The following CDK14 variants were observed in gnomAD, a reference collection of about 807,000 sequenced individuals.
The protein encoded by CDK14 is cyclin-dependent kinase 14.
Under a neutral mutation model 60.7 loss-of-function variants are expected in CDK14, and 34 were observed. That is an observed-to-expected ratio of 0.56 (90% CI 0.43 to 0.75). CDK14 has a LOEUF of 0.75. CDK14 is among the 30% of genes least tolerant of loss of function. The probability of loss-of-function intolerance (pLI) is 0.00; values close to 1 mark genes in which losing one functional copy is unlikely to be tolerated. For missense variants in CDK14, 482 were observed against 564.1 expected, an observed-to-expected ratio of 0.85 and a Z score of 1.47; for synonymous variants, 197 against 203.7, an observed-to-expected ratio of 0.97 and a Z score of 0.28.
At chr7:90,822,689 T>C (rs1789590442) in intron 5 of CDK14, among the ~76,000 whole-genome samples, 1 of 152,144 alleles carries the variant, frequency 6.6e-6, no homozygotes, top group African/African-American at 2.4e-5. Flanking sequence ...ATGAACTACA[T>C]TTACATACAA....
At chr7:90,675,081 C>G (rs929024249) in intron 2 of CDK14, among the ~76,000 whole-genome samples, 1 of 152,188 alleles carries the variant, frequency 6.6e-6, no homozygotes, top group Admixed American at 6.5e-5. Context: ...GCTCAACAAC[C>G]TGGATCTCAT....
chr7:91,193,623 G>A (rs1203577430), intron 14 of CDK14, among the ~76,000 whole-genome samples: 6 of 152,236 alleles, frequency 3.9e-5, no homozygotes, highest in Non-Finnish European at 7.4e-5. Context: ...TATTTATCAA[G>A]TCAATTTGGA....
intron 6 of CDK14, among the ~76,000 whole-genome samples, chr7:90,891,296 GAT>G (rs1792117686): frequency 6.6e-6 from 1 of 152,108 alleles, no homozygotes; most frequent in Non-Finnish European, 1.5e-5. Context: ...AACAAGCAGA[GAT>G]CAATCAGGGA....
At chr7:90,981,809 A>AAACAAAACAAAAC (rs1795234870) in intron 9 of CDK14, among the ~76,000 whole-genome samples, 1 of 151,834 alleles carries the variant, frequency 6.6e-6, no homozygotes, top group Admixed American at 6.6e-5. Context: ...TCTAGAAACA[A>AAACAAAACAAAAC]AACAAAACAA....
chr7:91,174,147 C>A (rs1562981465), intron 14 of CDK14, among the ~76,000 whole-genome samples: 2 of 152,024 alleles, frequency 1.3e-5, no homozygotes, highest in Non-Finnish European at 2.9e-5. Context: ...GGGTCCCTGA[C>A]CCCTGACCCC....
intron 2 of CDK14, among the ~76,000 whole-genome samples, chr7:90,677,234 G>A (rs994108995): frequency 6.6e-6 from 1 of 152,124 alleles, no homozygotes; most frequent in African/African-American, 2.4e-5. Flanking sequence ...TCGTAGTCTT[G>A]TTTAAGCAAT....
chr7:91,064,333 A>T (rs2116142551), intron 11 of CDK14, among the ~76,000 whole-genome samples: 1 of 109,220 alleles, frequency 9.2e-6, no homozygotes, highest in South Asian at 2.8e-4. Flanking sequence ...AGTGACTAGG[A>T]GCACAGACTC....
At chr7:91,097,288 G>A (rs1418518097) in intron 12 of CDK14, among the ~76,000 whole-genome samples, 22 of 151,918 alleles carry the variant, frequency 1.4e-4, no homozygotes, top group Admixed American at 1.4e-3. Flanking sequence ...GGCTGAGGCA[G>A]GACAGTTGCT....
intron 6 of CDK14, among the ~76,000 whole-genome samples, chr7:90,878,091 T>A (rs1335987951): frequency 6.6e-5 from 10 of 151,158 alleles, no homozygotes; most frequent in Admixed American, 4.0e-4. Context: ...TGTGTGTGTG[T>A]GTGAGAGAGA....
chr7:90,787,947 C>T (rs193219682), intron 4 of CDK14, among the ~76,000 whole-genome samples: 1 of 152,162 alleles, frequency 6.6e-6, no homozygotes, highest in Non-Finnish European at 1.5e-5. Context: ...TCTTTAGTTG[C>T]ACTTAAAAAA....
In CDK14 at chr7:90,762,601, A is replaced by G. The variant is rs549871189; in HGVS notation, c.464+14826A>G. 6.6e-5 allele frequency among the ~76,000 whole-genome samples: 10 copies of G among 152,360 alleles called. No homozygotes were observed. In the South Asian group the frequency reaches 2.1e-3, roughly 32 times the overall value. ...GTGGATAAAAAAACAAGACCCAACT[A>G]TATTTTATCTATGAACTATCCTTTA... On this transcript the variant is annotated intron_variant, in intron 4 of 14. Coordinates refer to ENST00000380050, the MANE Select transcript of CDK14 (RefSeq NM_001287135.2).
At chr7:90,904,201 A>G (rs1037001701) in intron 7 of CDK14, among the ~76,000 whole-genome samples, 10 of 152,180 alleles carry the variant, frequency 6.6e-5, no homozygotes, top group African/African-American at 1.7e-4. Context: ...TCGTGCCTCA[A>G]GGAAAAGATT....
At chr7:91,084,426 G>A (rs1798572174) in intron 12 of CDK14, among the ~76,000 whole-genome samples, 1 of 152,178 alleles carries the variant, frequency 6.6e-6, no homozygotes, top group Non-Finnish European at 1.5e-5. Flanking sequence ...CCACTGCTGG[G>A]TAATGCACCA....
chr7:90,982,315 G>A (rs746974182), intron 9 of CDK14, among the ~76,000 whole-genome samples: 42 of 152,148 alleles, frequency 2.8e-4, no homozygotes, highest in African/African-American at 2.2e-4. Flanking sequence ...GTAAATAGGC[G>A]AAGAAGGAGG....
intron 2 of CDK14, chr7:90,710,290 A>C: frequency 1.0e-6 from 1 of 985,254 alleles, no homozygotes; most frequent in South Asian, 4.7e-5. Flanking sequence ...TTCTGAAACT[A>C]GTCTTTATTT....
At chr7:91,009,120 A>G (rs1208909065) in intron 10 of CDK14, among the ~76,000 whole-genome samples, 2 of 152,046 alleles carry the variant, frequency 1.3e-5, no homozygotes, top group East Asian at 3.9e-4. Flanking sequence ...TAAGTTATCT[A>G]CTTTTGATTT....
chr7:91,123,541 A>G (rs1799846822), intron 14 of CDK14, among the ~76,000 whole-genome samples: 1 of 152,154 alleles, frequency 6.6e-6, no homozygotes, highest in Admixed American at 6.6e-5. Context: ...CAAATGCATG[A>G]TGCATATTAT....
At chr7:90,804,792 A>G (rs1350822549) in intron 5 of CDK14, among the ~76,000 whole-genome samples, 1 of 152,148 alleles carries the variant, frequency 6.6e-6, no homozygotes, top group Non-Finnish European at 1.5e-5. Context: ...TATTTTGTCA[A>G]CTAGAAATAT....
At chr7:90,897,816 G>C (rs1252738849) in intron 6 of CDK14, among the ~76,000 whole-genome samples, 1 of 152,034 alleles carries the variant, frequency 6.6e-6, no homozygotes, top group African/African-American at 2.4e-5. Flanking sequence ...ATACATAAAA[G>C]TATTCCCATC....
Sources: allele counts gnomAD v4.1 joint callset (sites outside exome capture counted in the v4.1 genomes callset), GRCh38; gene constraint gnomAD v4.1.1; transcripts MANE v1.5; gene names NCBI Gene and HGNC (gene_info 2026-07-23, HGNC 2026-07-21).